Variants in CHST15 observed in about 807,000 individuals in gnomAD.
CHST15 encodes B cell RAG associated protein (GALNAC4S-6ST).
In CHST15, 30 loss-of-function variants were observed where a neutral mutation model predicts 53.6. The ratio of observed to expected loss-of-function variants is 0.56; its 90% CI spans 0.42 to 0.76. CHST15 has a LOEUF of 0.76. CHST15 is among the 30% of genes least tolerant of loss of function. The probability of loss-of-function intolerance (pLI) is 0.00; values close to 1 mark genes in which losing one functional copy is unlikely to be tolerated. For synonymous variants in CHST15, 296 were observed against 289.8 expected, an observed-to-expected ratio of 1.02 and a Z score of -0.22; for missense variants, 627 against 740.5, an observed-to-expected ratio of 0.85 and a Z score of 1.78.
intron 1 of CHST15, among the ~76,000 whole-genome samples, chr10:124,047,392 G>C (rs1023454120): frequency 2.0e-5 from 3 of 152,108 alleles, no homozygotes; most frequent in Non-Finnish European, 4.4e-5. Flanking sequence ...GGATTCCCTC[G>C]AGTGACACAG....
chr10:124,019,972 C>T lies in CHST15; in HGVS notation c.1347+1284G>A. ...TGGCCAACTCTCCTTCAGGCCTCAG[C>T]ACAGACATTCCCTCTCCTAAGAACC... On this transcript the variant is annotated intron_variant, in intron 6 of 7. Coordinates refer to ENST00000435907, the MANE Select transcript of CHST15 (RefSeq NM_001270764.2). The surrounding 1 kb of genome is among the most constrained non-coding windows in gnomAD (Gnocchi z 4.6). The T allele has an allele frequency of 2.0e-6, 2 of 985,818 alleles. No individual in the cohort carries two copies. The highest frequency in any genetic ancestry group is 2.4e-6 in the Non-Finnish European group (2 of 830,230). 61.1% of individuals were successfully genotyped at this position (985,818 alleles called of 1,614,324 possible). A position where few individuals can be genotyped will look rare whatever the true frequency, so the allele number is the denominator to read the frequency against.
chr10:124,025,274 CT>C (rs1167977966), intron 5 of CHST15, among the ~76,000 whole-genome samples: 2 of 152,200 alleles, frequency 1.3e-5, no homozygotes, highest in Non-Finnish European at 2.9e-5. Context: ...AAGCCCACCC[CT>C]AGCAGGTGAA....
intron 1 of CHST15, among the ~76,000 whole-genome samples, chr10:124,071,649 A>G (rs1948916185): frequency 6.6e-6 from 1 of 152,222 alleles, no homozygotes; most frequent in Non-Finnish European, 1.5e-5. Context: ...TTCAAATTCC[A>G]GTGTGTATTT....
rs1205550239 is a variant in CHST15 at position 124,074,077 on chromosome 10, C to T, written c.-513+19392G>A. ...ATATTTTCCACATAGTCTTTTTAGC[C>T]TCTTTCCATAGAAGACTTTCTCAGG... On this transcript the variant is annotated intron_variant, in intron 1 of 7. Coordinates refer to ENST00000435907, the MANE Select transcript of CHST15 (RefSeq NM_001270764.2). The surrounding 1 kb of genome is among the most constrained non-coding windows in gnomAD (Gnocchi z 4.4). Among the ~76,000 whole-genome samples, 1 of 152,188 alleles carries T rather than the reference C, an allele frequency of 6.6e-6. No individual in the cohort carries two copies. The highest frequency in any genetic ancestry group is 2.1e-4 in the South Asian group (1 of 4,828).
chr10:124,081,394 G>A (rs1044086177), intron 1 of CHST15, among the ~76,000 whole-genome samples: 1 of 139,054 alleles, frequency 7.2e-6, no homozygotes, highest in African/African-American at 2.7e-5. Context: ...ACACACACGC[G>A]TGCACACACA....
intron 2 of CHST15, among the ~76,000 whole-genome samples, chr10:124,045,125 A>AAAAAAAAC (rs1947929401): frequency 9.7e-6 from 1 of 103,474 alleles, no homozygotes; most frequent in Non-Finnish European, 1.9e-5. Flanking sequence ...AAAAAAAAAA[A>AAAAAAAAC]AAAAAAAAAA....
chr10:124,056,829 A>G lies in CHST15; in HGVS notation c.-512-10105T>C, dbSNP rs113086455. On this transcript the variant is annotated intron_variant, in intron 1 of 7. Transcript: ENST00000435907. ...ACCGGACACTCCACGGCCCAGGCCT[A>G]TACGACCGGACACACTTTGACCCAG... is the stretch of plus-strand genomic sequence containing the variant. 4.1e-5 allele frequency among the ~76,000 whole-genome samples: 6 copies of G among 145,352 alleles called. No individual in the cohort carries two copies. In the East Asian group the frequency reaches 1.0e-3, roughly 25 times the overall value.
chr10:124,083,475 G>C (rs780507319), intron 1 of CHST15, among the ~76,000 whole-genome samples: 11 of 152,154 alleles, frequency 7.2e-5, no homozygotes, highest in Admixed American at 1.3e-4. Flanking sequence ...TTCTATTGTC[G>C]ATAGGTGAGC....
chr10:124,060,074 G>A (rs1336722408), intron 1 of CHST15, among the ~76,000 whole-genome samples: 3 of 152,106 alleles, frequency 2.0e-5, no homozygotes, highest in Non-Finnish European at 4.4e-5. Context: ...CTTGGCTGTA[G>A]GGACCTCAGG....
Position 124,015,237 on chromosome 10 carries a change from C to T in CHST15, c.1348-2757G>A, listed in dbSNP as rs187178228. On this transcript the variant is annotated intron_variant, in intron 6 of 7. Coordinates refer to ENST00000435907, the MANE Select transcript of CHST15 (RefSeq NM_001270764.2). ...GATTTTTTTTCCCCTCACCTTTTCC[C>T]GGTATAGGACAGAGAATCAAAATAG... 3.5e-3 allele frequency among the ~76,000 whole-genome samples: 535 copies of T among 152,232 alleles called. 3 individuals carry two copies. The highest frequency in any genetic ancestry group is 5.8e-3 in the Non-Finnish European group (395 of 68,012).
rs1227036552 is a variant in CHST15, at chr10:124,074,585, T to A, written c.-513+18884A>T. ...CCCAACACCTTCGCCACGTCTGCAG[T>A]CTCTGCCTCCTCTCCCTCCGCGCAG... On this transcript the variant is annotated intron_variant, in intron 1 of 7. Transcript: ENST00000435907. The surrounding 1 kb of genome is among the most constrained non-coding windows in gnomAD (Gnocchi z 4.4). Among the ~76,000 whole-genome samples the A allele has an allele frequency of 6.6e-6, 1 of 152,072 alleles. No homozygotes were observed. Among genetic ancestry groups the A allele is most frequent in the Non-Finnish European group, 1.5e-5 (1 of 68,016 alleles).
chr10:124,025,209 G>C (rs1946949470), intron 5 of CHST15, among the ~76,000 whole-genome samples: 1 of 152,342 alleles, frequency 6.6e-6, no homozygotes, highest in Non-Finnish European at 1.5e-5. Flanking sequence ...ATTCTTCAGA[G>C]ATCAAGAAGT....
chr10:124,085,995 C>G (rs1050640651), intron 1 of CHST15, among the ~76,000 whole-genome samples: 3 of 152,058 alleles, frequency 2.0e-5, no homozygotes, highest in Non-Finnish European at 2.9e-5. Context: ...AAGCACAGGC[C>G]CTGTGGGGGG....
intron 5 of CHST15, among the ~76,000 whole-genome samples, chr10:124,035,762 C>T (rs1383510795): frequency 1.3e-5 from 2 of 152,190 alleles, no homozygotes; most frequent in Admixed American, 6.5e-5. Flanking sequence ...ACACAGCAAA[C>T]TCTTATTCAT....
In CHST15 at chr10:124,038,544, C is replaced by A. The variant is rs1191864088; in HGVS notation, c.1161G>T (p.Leu387=). 5 of 1,614,236 alleles carry A rather than the reference C, an allele frequency of 3.1e-6. No homozygotes were observed. ...CCACAGGGTCCCTGAGCATGACAAT[C>A]AGTCTGGCATTTGGCTGAAAGGCGT... ...FIHAFQPNAR[L]IVMLRDPVER... Residue 387 remains leucine (L), a synonymous_variant, in exon 5 of 8, where the codon CTG becomes CTT. Coordinates refer to ENST00000435907, the MANE Select transcript of CHST15 (RefSeq NM_001270764.2).
At chr10:124,014,427 G>T (rs560856108) in intron 6 of CHST15, among the ~76,000 whole-genome samples, 2 of 152,286 alleles carry the variant, frequency 1.3e-5, no homozygotes, top group South Asian at 4.1e-4. Context: ...TGGATAAGTT[G>T]CCTTCAAAAT....
At chr10:124,078,273 A>C (rs772361184) in intron 1 of CHST15, among the ~76,000 whole-genome samples, 1 of 152,214 alleles carries the variant, frequency 6.6e-6, no homozygotes, top group Non-Finnish European at 1.5e-5. Context: ...CACACTGCCT[A>C]TATTCCACGC....
intron 1 of CHST15, among the ~76,000 whole-genome samples, chr10:124,059,835 T>C (rs1948501444): frequency 6.6e-6 from 1 of 152,162 alleles, no homozygotes; most frequent in South Asian, 2.1e-4. Context: ...AACCCTTCAA[T>C]GAGAAGAACG....
intron 5 of CHST15, among the ~76,000 whole-genome samples, chr10:124,029,578 T>C (rs1203892425): frequency 6.6e-6 from 1 of 152,202 alleles, no homozygotes; most frequent in African/African-American, 2.4e-5. Context: ...ACACCAAGCA[T>C]CCCTGACATC....
Sources: gnomAD v4.1 joint callset for allele counts (sites outside exome capture counted in the v4.1 genomes callset) on GRCh38, gnomAD v4.1.1 for gene constraint, Gnocchi (gnomAD v3.1) non-coding constraint, MANE v1.5 for transcripts, NCBI Gene and HGNC (gene_info 2026-07-23, HGNC 2026-07-21) for gene names.